Variants in NHSL1 observed in about 807,000 individuals in gnomAD.
NHSL1 encodes the protein NHS like 1.
A neutral mutation model predicts 95.0 loss-of-function variants in NHSL1; 48 were observed. That is an observed-to-expected ratio of 0.51 (90% CI 0.40 to 0.64). The LOEUF is 0.64. Among genes scored for constraint, NHSL1 ranks in the 30% least tolerant of loss-of-function variants. The pLI is 0.00. For missense variants in NHSL1, 1,971 were observed against 2,077.7 expected, an observed-to-expected ratio of 0.95 and a Z score of 1.00; for synonymous variants, 783 against 833.9, an observed-to-expected ratio of 0.94 and a Z score of 1.05.
intron 3 of NHSL1, among the ~76,000 whole-genome samples, chr6:138,455,334 A>G (rs1777511982): frequency 6.6e-6 from 1 of 152,194 alleles, no homozygotes; most frequent in Non-Finnish European, 1.5e-5. Context: ...AATTGAGTGA[A>G]GCATACCAGA....
chr6:138,496,459 A>C, intron 1 of NHSL1, 88 bp from the exon 2 acceptor site: 1 of 1,344,150 alleles, frequency 7.4e-7, no homozygotes, highest in Non-Finnish European at 1.0e-6. Context: ...TGTCTAACAC[A>C]TCCACGGGTA....
At chr6:138,519,869 C>T (rs1243752177) in intron 1 of NHSL1, among the ~76,000 whole-genome samples, 4 of 152,122 alleles carry the variant, frequency 2.6e-5, no homozygotes, top group African/African-American at 9.7e-5. Flanking sequence ...TTTAAAAATA[C>T]ATATTTGAGA....
chr6:138,566,967 T>G (rs923413704), intron 1 of NHSL1, among the ~76,000 whole-genome samples: 2 of 152,196 alleles, frequency 1.3e-5, no homozygotes, highest in African/African-American at 4.8e-5. Flanking sequence ...TTCCGATATA[T>G]GTAGTAACCA....
In NHSL1 at chr6:138,422,917, A is replaced by G. The variant is rs1160933508; in HGVS notation, c.*1164T>C. On this transcript the variant is annotated 3_prime_UTR_variant, in exon 8 of 8. Coordinates refer to ENST00000343505, the MANE Select transcript of NHSL1 (RefSeq NM_001144060.2). ...TTCAGCATTTTCTTCAAAGTAAGATAATATATAATAGATTTTGATAAATCT... is the reference window on the plus strand; with the variant it reads ...TTCAGCATTTTCTTCAAAGTAAGATGATATATAATAGATTTTGATAAATCT... The G allele has an allele frequency of 2.0e-5, 3 of 152,122 alleles. No homozygotes were observed. The highest frequency in any genetic ancestry group is 2.9e-5 in the Non-Finnish European group (2 of 68,012). The allele number at this position is 152,122 out of a possible 1,614,324, so 9.4% of individuals were successfully genotyped here.
At chr6:138,428,963 T>C (rs1307242656) in intron 7 of NHSL1, among the ~76,000 whole-genome samples, 1 of 152,236 alleles carries the variant, frequency 6.6e-6, no homozygotes. Flanking sequence ...GCTTTTACGA[T>C]GACACTGTGT....
rs141505877 is a variant in NHSL1 at position 138,534,319 on chromosome 6, C to A, written c.16+11304G>T. Among the ~76,000 whole-genome samples the A allele has an allele frequency of 2.9e-3, 436 of 152,156 alleles. 1 individual carries two copies. The highest frequency in any genetic ancestry group is 9.7e-3 in the African/African-American group (404 of 41,502). ...GCCCTCAAGGAGCTTACAATCTAGT[C>A]GTCAAAGCAAAGGACCCTTGGTACA... is the stretch of plus-strand genomic sequence containing the variant. On this transcript the variant is annotated intron_variant, in intron 1 of 4. Coordinates refer to the NHSL1 transcript ENST00000342260.
chr6:138,581,355 G>A (rs1690184807), intron 1 of NHSL1, among the ~76,000 whole-genome samples: 1 of 152,162 alleles, frequency 6.6e-6, no homozygotes, highest in African/African-American at 2.4e-5. Flanking sequence ...AACAGGGAAT[G>A]AGTAGAGGCA....
At chr6:138,462,348 A>G (rs1778054046) in intron 3 of NHSL1, among the ~76,000 whole-genome samples, 1 of 152,186 alleles carries the variant, frequency 6.6e-6, no homozygotes, top group Non-Finnish European at 1.5e-5. Flanking sequence ...TCCTGGCTTT[A>G]TAACAACTGA....
intron 1 of NHSL1, among the ~76,000 whole-genome samples, chr6:138,533,584 T>G (rs145657512): frequency 1.3e-5 from 2 of 152,316 alleles, no homozygotes; most frequent in East Asian, 3.9e-4. Context: ...AATACACATT[T>G]AAATGATGAT....
At chr6:138,547,415 C>T (rs576861725), upstream of NHSL1, among the ~76,000 whole-genome samples, 5 of 151,942 alleles carry the variant, frequency 3.3e-5, no homozygotes, top group South Asian at 1.0e-3. Flanking sequence ...GGGTCTCACT[C>T]TGTTGCCCAG....
chr6:138,440,023 T>C (rs1247303490), intron 5 of NHSL1, among the ~76,000 whole-genome samples: 1 of 152,204 alleles, frequency 6.6e-6, no homozygotes, highest in Admixed American at 6.5e-5. Context: ...ACTCTCATTC[T>C]AGACATCATA....
chr6:138,635,047 G>A (rs1415807232), intron 1 of NHSL1, among the ~76,000 whole-genome samples: 1 of 150,434 alleles, frequency 6.6e-6, no homozygotes, highest in Non-Finnish European at 1.5e-5. Context: ...GTGCTAAGAG[G>A]AAAGTTTATA....
In NHSL1 at chr6:138,499,451, GTTTA is replaced by G; in HGVS notation, c.-165_-162del. The G allele has an allele frequency of 7.1e-7, 1 of 1,401,562 alleles. No individual in the cohort carries two copies. Among genetic ancestry groups the G allele is most frequent in the Non-Finnish European group, 9.4e-7 (1 of 1,069,296 alleles). 86.8% of individuals were successfully genotyped at this position (1,401,562 alleles called of 1,614,324 possible). ...CCCAGGCTGATGTAACTGAGGTTGAGTTTATTGTCAGGCAGTTACAAACCATTAA... is the reference window on the plus strand; with the variant it reads ...CCCAGGCTGATGTAACTGAGGTTGAGTTGTCAGGCAGTTACAAACCATTAA... On this transcript the variant is annotated 5_prime_UTR_variant, in exon 1 of 8. An upstream open reading frame in the 5' UTR loses its in-frame stop. Coordinates refer to ENST00000343505, the MANE Select transcript of NHSL1 (RefSeq NM_001144060.2).
At chr6:138,675,092 C>T (rs1328518959) in intron 1 of NHSL1, among the ~76,000 whole-genome samples, 2 of 151,596 alleles carry the variant, frequency 1.3e-5, no homozygotes, top group Non-Finnish European at 2.9e-5. Flanking sequence ...AGAGGCACTA[C>T]AAACAGCCCC....
intron 1 of NHSL1, among the ~76,000 whole-genome samples, chr6:138,619,816 C>T (rs1029738679): frequency 1.3e-5 from 2 of 151,906 alleles, no homozygotes; most frequent in African/African-American, 4.8e-5. Flanking sequence ...GGCGTGGGGG[C>T]ATATGCCTGT....
At chr6:138,440,285 G>A (rs1776444685) in intron 5 of NHSL1, among the ~76,000 whole-genome samples, 1 of 152,108 alleles carries the variant, frequency 6.6e-6, no homozygotes, top group Non-Finnish European at 1.5e-5. Flanking sequence ...GTCACTTCAA[G>A]AATGGAAAAA....
intron 1 of NHSL1, among the ~76,000 whole-genome samples, chr6:138,672,598 G>C (rs1268122529): frequency 6.6e-6 from 1 of 152,082 alleles, no homozygotes; most frequent in Non-Finnish European, 1.5e-5. Flanking sequence ...CTGAGCAAAA[G>C]GAACATAATA....
At chr6:138,689,472 G>C (rs1002495899) in intron 1 of NHSL1, among the ~76,000 whole-genome samples, 6 of 152,196 alleles carry the variant, frequency 3.9e-5, no homozygotes, top group Admixed American at 2.0e-4. Flanking sequence ...ATACCTCTCA[G>C]GATCATTGAG....
intron 1 of NHSL1, among the ~76,000 whole-genome samples, chr6:138,644,368 G>A (rs1372146840): frequency 6.6e-6 from 1 of 151,946 alleles, no homozygotes; most frequent in Non-Finnish European, 1.5e-5. Context: ...AAGCGTGGTG[G>A]TGCATATGCC....
Sources: gnomAD v4.1 joint callset for allele counts (sites outside exome capture counted in the v4.1 genomes callset) on GRCh38, gnomAD v4.1.1 for gene constraint, MANE v1.5 for transcripts, NCBI Gene and HGNC (gene_info 2026-07-23, HGNC 2026-07-21) for gene names.